The following WDR72 variants were observed in gnomAD, a reference collection of about 807,000 sequenced individuals.
The protein encoded by WDR72 is WD repeat domain 72, also known as WD repeat-containing protein 72.
Under a neutral mutation model 124.2 loss-of-function variants are expected in WDR72, and 120 were observed. That is an observed-to-expected ratio of 0.97 (90% CI 0.83 to 1.12). The LOEUF is 1.12. WDR72 is among the 50% of genes most tolerant of loss of function. The pLI is 0.00. For missense variants in WDR72, 1,387 were observed against 1,278.8 expected, an observed-to-expected ratio of 1.08 and a Z score of -1.29; for synonymous variants, 452 against 441.7, an observed-to-expected ratio of 1.02 and a Z score of -0.29.
chr15:53,534,160 G>A (rs909630279), intron 18 of WDR72, among the ~76,000 whole-genome samples: 1 of 152,064 alleles, frequency 6.6e-6, no homozygotes, highest in Non-Finnish European at 1.5e-5. Context: ...TCAGACACCA[G>A]GAAATTTATA....
chr15:53,599,829 TA>T (rs1214160222), intron 17 of WDR72, among the ~76,000 whole-genome samples: 1 of 152,208 alleles, frequency 6.6e-6, no homozygotes, highest in Non-Finnish European at 1.5e-5. Flanking sequence ...TATTTCTAAT[TA>T]TTTGATTTAC....
intron 14 of WDR72, among the ~76,000 whole-genome samples, chr15:53,646,134 T>A (rs2015033385): frequency 6.6e-6 from 1 of 152,170 alleles, no homozygotes; most frequent in Admixed American, 6.6e-5. Flanking sequence ...GTCTATTTTT[T>A]AATGACTGCA....
At chr15:53,761,076 A>C (rs2019055116), upstream of WDR72, among the ~76,000 whole-genome samples, 1 of 152,138 alleles carries the variant, frequency 6.6e-6, no homozygotes, top group Non-Finnish European at 1.5e-5. Flanking sequence ...GTGAGCTGAG[A>C]TCACACCACT....
chr15:53,762,820 G>A (rs1954076950), upstream of WDR72: 1 of 152,240 alleles, frequency 6.6e-6, no homozygotes, highest in East Asian at 1.9e-4. Flanking sequence ...ACGGTGCCCA[G>A]GACCCATAAT....
chr15:53,683,188 G>C (rs1595846067), intron 13 of WDR72, among the ~76,000 whole-genome samples: 2 of 152,134 alleles, frequency 1.3e-5, no homozygotes, highest in Admixed American at 6.5e-5. Flanking sequence ...ATTACAATTT[G>C]AGGTGAGATT....
chr15:53,726,818 T>G (rs1355029021), intron 2 of WDR72, among the ~76,000 whole-genome samples: 2 of 152,302 alleles, frequency 1.3e-5, no homozygotes, highest in East Asian at 3.9e-4. Flanking sequence ...CACTCCAGAC[T>G]GGGTGACAGA....
At chr15:53,758,462 A>G (rs1168618647) in intron 1 of WDR72, among the ~76,000 whole-genome samples, 1 of 152,092 alleles carries the variant, frequency 6.6e-6, no homozygotes, top group Non-Finnish European at 1.5e-5. Flanking sequence ...AGCCTTTTAC[A>G]TTCTTTACAG....
At chr15:53,746,183 G>T (rs559352062) in intron 1 of WDR72, among the ~76,000 whole-genome samples, 1 of 152,216 alleles carries the variant, frequency 6.6e-6, no homozygotes, top group South Asian at 2.1e-4. Flanking sequence ...CCTCCAGCCC[G>T]CCTTCATCTT....
At chr15:53,648,974 T>C (rs956310906) in intron 14 of WDR72, among the ~76,000 whole-genome samples, 1 of 152,052 alleles carries the variant, frequency 6.6e-6, no homozygotes, top group African/African-American at 2.4e-5. Context: ...AAACCAGTTA[T>C]AATTTTCAGC....
intron 13 of WDR72, among the ~76,000 whole-genome samples, chr15:53,688,534 C>T (rs1194179887): frequency 1.3e-5 from 2 of 152,062 alleles, no homozygotes. Flanking sequence ...TCAAGGAGAA[C>T]TACAAACCAC....
chr15:53,623,860 T>C (rs903756819), intron 14 of WDR72, among the ~76,000 whole-genome samples: 1 of 152,212 alleles, frequency 6.6e-6, no homozygotes, highest in Non-Finnish European at 1.5e-5. Context: ...TGTTTTTTGA[T>C]GTTTAATCAT....
At chr15:53,661,624 T>C (rs1472236548) in intron 14 of WDR72, among the ~76,000 whole-genome samples, 3 of 152,170 alleles carry the variant, frequency 2.0e-5, no homozygotes, top group Non-Finnish European at 2.9e-5. Context: ...TAGTTCATCA[T>C]TGTCTAATAC....
At chr15:53,679,104 C>T (rs73410165) in intron 13 of WDR72, among the ~76,000 whole-genome samples, 11,507 of 152,132 alleles carry the variant, frequency 0.076, 1,119 homozygotes, top group African/African-American at 0.22. Flanking sequence ...CAACCCAGAA[C>T]AGGTAAATTC....
intron 14 of WDR72, among the ~76,000 whole-genome samples, chr15:53,664,221 C>A (rs2140449074): frequency 6.6e-6 from 1 of 152,238 alleles, no homozygotes; most frequent in African/African-American, 2.4e-5. Context: ...ATCAAGGCAC[C>A]CTGTATTACA....
In WDR72 at chr15:53,615,724, T is replaced by C. The variant is rs766133690; in HGVS notation, c.2482A>G (p.Ile828Val). 2.5e-6 allele frequency: 4 copies of C among 1,613,024 alleles called. No homozygotes were observed. The highest frequency in any genetic ancestry group is 2.5e-6 in the Non-Finnish European group (3 of 1,179,538). The change falls in exon 15 of 20, where the codon ATT (isoleucine) becomes GTT (valine). Residue 828 changes from isoleucine (I) to valine (V), a missense_variant. Coordinates refer to ENST00000360509, the MANE Select transcript of WDR72 (RefSeq NM_182758.4). The stretch of plus-strand genomic sequence containing the variant: ...TCATTCAAAGAAATTCCCAAAGAAA[T>C]AGGACCCTGAAGCTTTAAAATATTG... ...HLNILKLQGP[I>V]SLGISLNEDN...
At chr15:53,646,496 G>T (rs1208322706) in intron 14 of WDR72, among the ~76,000 whole-genome samples, 1 of 152,038 alleles carries the variant, frequency 6.6e-6, no homozygotes, top group Non-Finnish European at 1.5e-5. Context: ...GGGAGTGAGG[G>T]ATAGAAAAAG....
intron 14 of WDR72, among the ~76,000 whole-genome samples, chr15:53,653,829 A>G (rs1459980348): frequency 1.3e-5 from 2 of 152,202 alleles, no homozygotes; most frequent in Non-Finnish European, 2.9e-5. Context: ...AATCAAATTT[A>G]TAACTCCAAA....
chr15:53,693,007 A>G (rs2016889999), intron 13 of WDR72, among the ~76,000 whole-genome samples: 1 of 152,096 alleles, frequency 6.6e-6, no homozygotes, highest in Non-Finnish European at 1.5e-5. Context: ...TACTAGAGAG[A>G]CTATTACCTG....
chr15:53,615,907 T>C lies in WDR72; in HGVS notation c.2299A>G (p.Lys767Glu), dbSNP rs138555114. 751 of 1,613,620 alleles carry C rather than the reference T, an allele frequency of 4.7e-4. 2 individuals carry two copies. The African/African-American group carries it at 8.6e-3, about 18-fold the overall frequency. Residue 767 changes from lysine (K) to glutamate (E), a missense_variant, in exon 15 of 20, where the codon AAA becomes GAA. Transcript: ENST00000360509. ...GAGATCTTCATTTTCTTCTGCCTTT[T>C]AATGCCATCATTTTCTTCTGAGAAT... ...IKFSEENDGI[K>E]RQKKMKISKK... is the part of the protein sequence containing the mutation.
Sources: gnomAD v4.1 joint callset for allele counts (sites outside exome capture counted in the v4.1 genomes callset) on GRCh38, gnomAD v4.1.1 for gene constraint, MANE v1.5 for transcripts, NCBI Gene and HGNC (gene_info 2026-07-23, HGNC 2026-07-21) for gene names.